EP300: variants seen among roughly 807,000 people sequenced by gnomAD.
The protein encoded by EP300 is EP300 lysine acetyltransferase.
EP300 carries 31 observed loss-of-function variants against 264.0 expected under a neutral mutation model. The ratio of observed to expected loss-of-function variants is 0.12; its 90% CI spans 0.09 to 0.16. The LOEUF is 0.16. EP300 is among the 10% of genes least tolerant of loss of function. The pLI is 1.00. For synonymous variants in EP300, 1,340 were observed against 1,045.4 expected (o/e 1.28, Z -5.44); for missense variants, 2,766 against 3,052.9 (o/e 0.91, Z 2.21).
chr22:41,137,754 T>C lies in EP300; in HGVS notation c.1724T>C (p.Ile575Thr). ...TGIRKQWHEDITQDLRNHLVH... is the reference protein window; with the variant it reads ...TGIRKQWHEDTTQDLRNHLVH... ...ATTCGGAAACAGTGGCACGAAGATA[T>C]TACTCAGGATCTTCGAAATCATCTT... Residue 575 changes from isoleucine (I) to threonine (T), a missense_variant, in exon 8 of 31, where the codon ATT becomes ACT. Physicochemically the swap from Ile to Thr is moderately conservative, Grantham distance 89 (BLOSUM62 -1). Transcript: ENST00000263253. 2.5e-6 allele frequency: 4 copies of C among 1,614,214 alleles called. No individual in the cohort carries two copies. Among genetic ancestry groups the C allele is most frequent in the South Asian group, 1.1e-5 (1 of 91,088 alleles).
At chr22:41,110,454 G>A (rs537052071) in intron 1 of EP300, among the ~76,000 whole-genome samples, 9 of 150,252 alleles carry the variant, frequency 6.0e-5, no homozygotes, top group East Asian at 2.0e-4. Context: ...CACCATTCCC[G>A]GCTGATTTTT....
chr22:41,101,767 C>T (rs977802287), intron 1 of EP300, among the ~76,000 whole-genome samples: 2 of 152,036 alleles, frequency 1.3e-5, no homozygotes, highest in African/African-American at 4.8e-5. Flanking sequence ...GTTGCCCAGG[C>T]TGAAGTTATC....
In EP300 at chr22:41,117,124, T is replaced by C. The variant is rs1057082418; in HGVS notation, c.95-63T>C. ...CATTTAATGCTTATTGAGAACAATA[T>C]AGAGCAGTTTTTTATTTTGGTTTTG... On this transcript the variant is annotated intron_variant, in intron 1 of 30. Coordinates refer to ENST00000263253, the MANE Select transcript of EP300 (RefSeq NM_001429.4). 5 of 1,365,532 alleles carry C rather than the reference T, an allele frequency of 3.7e-6. No homozygotes were observed. In the African/African-American group the frequency reaches 7.2e-5, roughly 20 times the overall value. 84.6% of individuals were successfully genotyped at this position (1,365,532 alleles called of 1,614,324 possible). A position where few individuals can be genotyped will look rare whatever the true frequency, so the allele number is the denominator to read the frequency against.
intron 16 of EP300, among the ~76,000 whole-genome samples, chr22:41,154,738 T>C (rs1293134044): frequency 6.6e-6 from 1 of 152,104 alleles, no homozygotes; most frequent in Non-Finnish European, 1.5e-5. Flanking sequence ...TCACTGACTT[T>C]GTGACTGAAA....
intron 1 of EP300, among the ~76,000 whole-genome samples, chr22:41,101,247 G>C (rs2058730179): frequency 6.6e-6 from 1 of 151,416 alleles, no homozygotes. Context: ...GCTAATGTTT[G>C]TATTTTTAGT....
intron 26 of EP300, 80 bp downstream of exon 26, chr22:41,169,696 A>G (rs1569117100): frequency 4.7e-6 from 4 of 843,136 alleles, no homozygotes; most frequent in East Asian, 2.5e-5. Context: ...ATGCAAATAT[A>G]TAACTCTTGG....
rs2059223629 is a variant in EP300 at position 41,179,086 on chromosome 22, C to T, written c.*130C>T. 1.9e-6 allele frequency: 2 copies of T among 1,044,420 alleles called. No individual in the cohort carries two copies. Among genetic ancestry groups the T allele is most frequent in the Non-Finnish European group, 2.8e-6 (2 of 720,116 alleles). 64.7% of individuals were successfully genotyped at this position (1,044,420 alleles called of 1,614,324 possible). On this transcript the variant is annotated 3_prime_UTR_variant, in exon 31 of 31. Coordinates refer to ENST00000263253, the MANE Select transcript of EP300 (RefSeq NM_001429.4). ...TTCCTTGGAACACATAAGAACTGTG[C>T]AGTAGCCGTTTGTGGTTTAAAGCAA...
intron 27 of EP300, among the ~76,000 whole-genome samples, chr22:41,171,777 A>C (rs1456128783): frequency 6.6e-6 from 1 of 151,542 alleles, no homozygotes; most frequent in Non-Finnish European, 1.5e-5. Context: ...AAGCCAGGCT[A>C]ATTTTTTCTA....
chr22:41,124,632 A>G (rs1163449437), intron 2 of EP300, among the ~76,000 whole-genome samples: 3 of 152,252 alleles, frequency 2.0e-5, no homozygotes, highest in Non-Finnish European at 2.9e-5. Context: ...CCCTGTCTCT[A>G]TTTTTTAATA....
At chr22:41,159,388 T>C (rs771062977) in intron 19 of EP300, 8 of 152,244 alleles carry the variant, frequency 5.3e-5, no homozygotes, top group South Asian at 2.1e-4. Flanking sequence ...TCTAATGCTT[T>C]GTAGACCTAA....
Position 41,140,389 on chromosome 22 carries a change from C to T in EP300, c.1878+132C>T, listed in dbSNP as rs1286627672. 3 of 776,572 alleles carry T rather than the reference C, an allele frequency of 3.9e-6. No homozygotes were observed. In the East Asian group the frequency reaches 7.3e-5, roughly 19 times the overall value. 48.1% of individuals were successfully genotyped at this position (776,572 alleles called of 1,614,324 possible). A position where few individuals can be genotyped will look rare whatever the true frequency, so the allele number is the denominator to read the frequency against. On this transcript the variant is annotated intron_variant, in intron 9 of 30. Coordinates refer to ENST00000263253, the MANE Select transcript of EP300 (RefSeq NM_001429.4). The stretch of plus-strand genomic sequence containing the variant: ...CGCTGTAGCTATCCCGTCTTATTGT[C>T]CCCAAGCATAGTTAGGATACCAAAG...
At chr22:41,145,798 G>A (rs1383346334) in intron 10 of EP300, among the ~76,000 whole-genome samples, 2 of 151,628 alleles carry the variant, frequency 1.3e-5, no homozygotes, top group African/African-American at 4.8e-5. Flanking sequence ...CACCACGCCC[G>A]GCTATTTTTT....
chr22:41,144,173 T>G (rs1311929390), intron 10 of EP300, among the ~76,000 whole-genome samples: 2 of 152,144 alleles, frequency 1.3e-5, no homozygotes, highest in Admixed American at 6.5e-5. Flanking sequence ...CTGGAAGAAG[T>G]AAATACTAAT....
chr22:41,167,566 G>A (rs1160198683), intron 23 of EP300, among the ~76,000 whole-genome samples: 1 of 27,218 alleles, frequency 3.7e-5, no homozygotes, highest in African/African-American at 1.7e-4. Flanking sequence ...ATATTTGTGT[G>A]TGTGTGTGTG....
In EP300 at chr22:41,105,198, GAAAA is replaced by G. The variant is rs764225630; in HGVS notation, c.95-11969_95-11966del. 4.3e-3 allele frequency among the ~76,000 whole-genome samples: 264 copies of G among 60,932 alleles called. 1 individual carries two copies. Among genetic ancestry groups the G allele is most frequent in the African/African-American group, 0.017 (220 of 12,782 alleles). 40.0% of individuals were successfully genotyped at this position (60,932 alleles called of 152,430 possible). A position where few individuals can be genotyped will look rare whatever the true frequency, so the allele number is the denominator to read the frequency against. The stretch of plus-strand genomic sequence containing the variant: ...GGTGACAGAGCGAGACTCCATCTCA[GAAAA>G]AAAAAAAAAAAAAAAAAAAGCCGGG... On this transcript the variant is annotated intron_variant, in intron 1 of 30. Coordinates refer to ENST00000263253, the MANE Select transcript of EP300 (RefSeq NM_001429.4).
chr22:41,092,696 G>A lies in EP300; in HGVS notation c.-309G>A, dbSNP rs1026519145. 5 of 611,364 alleles carry A rather than the reference G, an allele frequency of 8.2e-6. No homozygotes were observed. Among genetic ancestry groups the A allele is most frequent in the Non-Finnish European group, 1.5e-5 (5 of 338,156 alleles). 37.9% of individuals were successfully genotyped at this position (611,364 alleles called of 1,614,324 possible). On this transcript the variant is annotated 5_prime_UTR_variant, in exon 1 of 31. Coordinates refer to ENST00000263253, the MANE Select transcript of EP300 (RefSeq NM_001429.4). ...CCGGCCGTGGCGGGCCGGGGACTGC[G>A]CCTCTAGAGCCGCGAGTTCTCGGGA...
chr22:41,118,338 TTC>T, intron 2 of EP300, among the ~76,000 whole-genome samples: 1 of 152,362 alleles, frequency 6.6e-6, no homozygotes, highest in South Asian at 2.1e-4. Context: ...GGCCAAAGAC[TTC>T]TGTTAGCTTT....
chr22:41,140,038 CATT>C (rs2058972792), intron 8 of EP300, 99 bp from the exon 9 acceptor site: 1 of 825,774 alleles, frequency 1.2e-6, no homozygotes, highest in East Asian at 2.4e-5. Context: ...ATCACCTTGC[CATT>C]ATTTTTTCTT....
intron 1 of EP300, among the ~76,000 whole-genome samples, chr22:41,096,693 A>G: frequency 7.1e-6 from 1 of 140,410 alleles, no homozygotes; most frequent in Non-Finnish European, 1.5e-5. Context: ...ATCTTGGCTC[A>G]CTGCAATCTC....
Sources: allele counts gnomAD v4.1 joint callset (sites outside exome capture counted in the v4.1 genomes callset), GRCh38; gene constraint gnomAD v4.1.1; transcripts MANE v1.5; gene names NCBI Gene and HGNC (gene_info 2026-07-23, HGNC 2026-07-21).